The following SAE1 variants were observed in gnomAD, a reference collection of about 807,000 sequenced individuals.
SAE1 encodes the protein SUMO1 activating enzyme subunit 1, also known as SUMO-activating enzyme subunit 1.
Under a neutral mutation model 40.6 loss-of-function variants are expected in SAE1, and 11 were observed. The ratio of observed to expected loss-of-function variants is 0.27; its 90% confidence interval spans 0.17 to 0.45. The LOEUF (loss-of-function observed/expected upper bound fraction) is 0.45. Among genes scored for constraint, SAE1 ranks in the 20% least tolerant of loss-of-function variants. The probability of loss-of-function intolerance (pLI) is 1.00; values close to 1 mark genes in which losing one functional copy is unlikely to be tolerated. For missense variants in SAE1, 373 were observed against 427.3 expected, an observed-to-expected ratio of 0.87 and a Z score of 1.12; for synonymous variants, 155 against 154.3, an observed-to-expected ratio of 1.00 and a Z score of -0.03.
At position 47,209,478 on chromosome 19, in the gene SAE1, C is replaced by T. The variant is rs1287129824; in HGVS notation, c.*227C>T. The T allele has an allele frequency of 4.4e-6, 3 of 681,202 alleles. No homozygotes were observed. Among genetic ancestry groups the T allele is most frequent in the African/African-American group, 3.6e-5 (2 of 55,046 alleles). The allele number at this position is 681,202 out of a possible 1,614,324, so 42.2% of individuals were successfully genotyped here. ...TGTCTTTGTTCCAGCACTGTTCAGG[C>T]TGCCTGTCATCCCGGGCCTGCCAGC... is the stretch of plus-strand genomic sequence containing the variant. On this transcript the variant is annotated 3_prime_UTR_variant, in exon 9 of 9. Transcript: ENST00000270225.
intron 7 of SAE1, among the ~76,000 whole-genome samples, chr19:47,201,068 G>A (rs1056507797): frequency 2.1e-4 from 32 of 150,526 alleles, no homozygotes; most frequent in Admixed American, 1.8e-3. Flanking sequence ...TTGAGATGGA[G>A]TCTTACTCTG....
intron 1 of SAE1, among the ~76,000 whole-genome samples, chr19:47,131,671 G>A (rs1357718256): frequency 6.6e-6 from 1 of 151,462 alleles, no homozygotes; most frequent in Non-Finnish European, 1.5e-5. Context: ...ACGTAGTTTG[G>A]GCATTGTGGA....
chr19:47,198,104 C>G (rs2058627471), intron 7 of SAE1, among the ~76,000 whole-genome samples: 1 of 151,748 alleles, frequency 6.6e-6, no homozygotes, highest in South Asian at 2.1e-4. Context: ...AGGTCACAAT[C>G]TCTCTCTCTC....
chr19:47,140,952 G>A (rs1015074884), intron 1 of SAE1, among the ~76,000 whole-genome samples: 1 of 151,914 alleles, frequency 6.6e-6, no homozygotes, highest in South Asian at 2.1e-4. Context: ...AGGTTCAAGC[G>A]ATTCTCCTGC....
rs57736880 is a variant in SAE1, at chr19:47,204,187, C to CTTTTTTTTTT, written c.948+466_948+475dup. On this transcript the variant is annotated intron_variant, in intron 8 of 8. Coordinates refer to ENST00000270225, the MANE Select transcript of SAE1 (RefSeq NM_005500.3). ...CATCACCATGACATCAAAGCCCTCC[C>CTTTTTTTTTT]TTTTTTTTTTTTTTTTTTTTTTTTT... is the stretch of plus-strand genomic sequence containing the variant. Among the ~76,000 whole-genome samples the CTTTTTTTTTT allele has an allele frequency of 7.8e-4, 64 of 82,132 alleles. 2 individuals are homozygous for CTTTTTTTTTT. The highest frequency in any genetic ancestry group is 3.5e-3 in the African/African-American group (60 of 17,242). 53.9% of individuals were successfully genotyped at this position (82,132 alleles called of 152,430 possible). A position where few individuals can be genotyped will look rare whatever the true frequency, so the allele number is the denominator to read the frequency against.
intron 7 of SAE1, 80 bp downstream of exon 7, chr19:47,197,457 T>A: frequency 7.5e-7 from 1 of 1,338,214 alleles, no homozygotes; most frequent in South Asian, 1.4e-5. Flanking sequence ...GACAAGCTCT[T>A]TTATTAGAAA....
intron 6 of SAE1, among the ~76,000 whole-genome samples, chr19:47,179,192 CAA>C (rs1227213780): frequency 8.5e-4 from 61 of 72,158 alleles, no homozygotes; most frequent in Middle Eastern, 0.01. Flanking sequence ...GCTCTGTCTC[CAA>C]AAAAAAAAAA....
At chr19:47,150,546 A>G (rs1405247392) in intron 3 of SAE1, among the ~76,000 whole-genome samples, 171 bp downstream of exon 3, 1 of 152,142 alleles carries the variant, frequency 6.6e-6, no homozygotes, top group Non-Finnish European at 1.5e-5. Context: ...TATTGTGTGA[A>G]TGTGTTGCTA....
At chr19:47,183,187 A>G (rs1269869003) in intron 6 of SAE1, among the ~76,000 whole-genome samples, 1 of 152,076 alleles carries the variant, frequency 6.6e-6, no homozygotes, top group Non-Finnish European at 1.5e-5. Flanking sequence ...AAGTGCTGGG[A>G]TTACAGGCGT....
chr19:47,206,152 A>C (rs2058685638), intron 8 of SAE1, among the ~76,000 whole-genome samples: 1 of 152,180 alleles, frequency 6.6e-6, no homozygotes, highest in Non-Finnish European at 1.5e-5. Flanking sequence ...TGCCTGCTGG[A>C]GACAGCTGGT....
At chr19:47,170,062 G>GA (rs2058421285) in intron 6 of SAE1, 139 bp downstream of exon 6, 2 of 659,752 alleles carry the variant, frequency 3.0e-6, no homozygotes, top group South Asian at 1.7e-5. Context: ...GATCACTTGA[G>GA]AAAGGGGTGG....
intron 1 of SAE1, 53 bp downstream of exon 1, chr19:47,131,081 T>C: frequency 6.8e-7 from 1 of 1,470,424 alleles, no homozygotes; most frequent in Non-Finnish European, 9.0e-7. Flanking sequence ...GCGTCTATTC[T>C]GAGGCGTTTG....
At chr19:47,183,005 T>A (rs2058520861) in intron 6 of SAE1, among the ~76,000 whole-genome samples, 2 of 152,096 alleles carry the variant, frequency 1.3e-5, no homozygotes, top group South Asian at 4.1e-4. Flanking sequence ...AACCTCTGCC[T>A]CCCAGGTTCA....
At chr19:47,165,811 C>G (rs780635664) in intron 5 of SAE1, among the ~76,000 whole-genome samples, 6 of 152,214 alleles carry the variant, frequency 3.9e-5, no homozygotes, top group Non-Finnish European at 7.3e-5. Context: ...CACTGAATAA[C>G]TACTGTTATC....
At chr19:47,193,309 C>T (rs2058591492) in intron 6 of SAE1, among the ~76,000 whole-genome samples, 1 of 152,032 alleles carries the variant, frequency 6.6e-6, no homozygotes, top group Admixed American at 6.6e-5. Flanking sequence ...GATCCACCTG[C>T]CTCAGCCTCT....
At chr19:47,201,044 T>A (rs939134796) in intron 7 of SAE1, among the ~76,000 whole-genome samples, 2 of 151,270 alleles carry the variant, frequency 1.3e-5, no homozygotes, top group Non-Finnish European at 2.9e-5. Context: ...TTTTTTTATT[T>A]TTTTTATTTT....
chr19:47,171,293 T>A (rs1490278677), intron 6 of SAE1, among the ~76,000 whole-genome samples: 1 of 150,614 alleles, frequency 6.6e-6, no homozygotes, highest in Non-Finnish European at 1.5e-5. Context: ...TTTTAATTTT[T>A]ATTTTAATTT....
At chr19:47,179,910 GTTC>G (rs149218920) in intron 6 of SAE1, among the ~76,000 whole-genome samples, 7,104 of 152,168 alleles carry the variant, frequency 0.047, 215 homozygotes, top group South Asian at 0.073. Context: ...ACTACTTACT[GTTC>G]TTCTAAGATT....
At chr19:47,141,157 A>G (rs994967211) in intron 1 of SAE1, among the ~76,000 whole-genome samples, 1 of 151,928 alleles carries the variant, frequency 6.6e-6, no homozygotes, top group Admixed American at 6.6e-5. Context: ...GCCTGCCACC[A>G]CGCCTGGCTA....
Sources: allele counts gnomAD v4.1 joint callset (sites outside exome capture counted in the v4.1 genomes callset), GRCh38; gene constraint gnomAD v4.1.1; transcripts MANE v1.5; gene names NCBI Gene and HGNC (gene_info 2026-07-23, HGNC 2026-07-21).